MAML3: variants seen among roughly 807,000 people sequenced by gnomAD.
MAML3 encodes mastermind-like protein 3.
Under a neutral mutation model 101.9 loss-of-function variants are expected in MAML3, and 27 were observed. That is an observed-to-expected ratio of 0.27 (90% CI 0.20 to 0.37). MAML3 has a LOEUF of 0.37. MAML3 is among the 10% of genes least tolerant of loss of function. The probability of loss-of-function intolerance (pLI) is 1.00; values close to 1 mark genes in which losing one functional copy is unlikely to be tolerated. For missense variants in MAML3, 1,316 were observed against 1,444.9 expected, an observed-to-expected ratio of 0.91 and a Z score of 1.45; for synonymous variants, 501 against 555.9, an observed-to-expected ratio of 0.90 and a Z score of 1.39.
chr4:139,944,262 C>T (rs1560844409), intron 1 of MAML3, among the ~76,000 whole-genome samples: 2 of 152,164 alleles, frequency 1.3e-5, no homozygotes, highest in South Asian at 2.1e-4. Flanking sequence ...ATGTGCCATG[C>T]TGGTGCGCTG....
chr4:139,877,664 T>G (rs1219289995), intron 2 of MAML3, among the ~76,000 whole-genome samples: 1 of 152,200 alleles, frequency 6.6e-6, no homozygotes, highest in Non-Finnish European at 1.5e-5. Context: ...TATTTGTGGC[T>G]CAATGCTGCG....
chr4:139,781,957 T>C (rs972694137), intron 2 of MAML3, among the ~76,000 whole-genome samples: 4 of 152,130 alleles, frequency 2.6e-5, no homozygotes, highest in African/African-American at 9.7e-5. Flanking sequence ...AGAGGCTGAA[T>C]TGGACTGGAT....
chr4:139,960,112 G>A (rs536871076), intron 1 of MAML3, among the ~76,000 whole-genome samples: 1 of 152,244 alleles, frequency 6.6e-6, no homozygotes, highest in Non-Finnish European at 1.5e-5. Context: ...ACCCTACATT[G>A]GGGGAGGAAG....
intron 2 of MAML3, among the ~76,000 whole-genome samples, chr4:139,743,036 T>G (rs768607351): frequency 1.3e-5 from 2 of 152,140 alleles, no homozygotes; most frequent in Non-Finnish European, 2.9e-5. Context: ...TACCACCCCC[T>G]CATTTTTCCC....
At chr4:139,800,027 G>A (rs1730576833) in intron 2 of MAML3, among the ~76,000 whole-genome samples, 1 of 151,476 alleles carries the variant, frequency 6.6e-6, no homozygotes, top group Admixed American at 6.6e-5. Context: ...GTACTGCAAG[G>A]GATTGTATTT....
chr4:139,772,458 C>T (rs1490124811), intron 2 of MAML3, among the ~76,000 whole-genome samples: 1 of 151,376 alleles, frequency 6.6e-6, no homozygotes, highest in Admixed American at 6.6e-5. Flanking sequence ...TCTCCTGCCT[C>T]AGCCTCCCAA....
chr4:139,787,547 A>G (rs1221192058), intron 2 of MAML3, among the ~76,000 whole-genome samples: 2 of 152,102 alleles, frequency 1.3e-5, no homozygotes, highest in African/African-American at 4.8e-5. Flanking sequence ...CTTTTCTGGG[A>G]TTTAATATCT....
chr4:139,937,531 C>T (rs1317679459), intron 1 of MAML3, among the ~76,000 whole-genome samples: 1 of 151,938 alleles, frequency 6.6e-6, no homozygotes, highest in Admixed American at 6.6e-5. Context: ...GGATTACAGG[C>T]ATCTACCACC....
intron 1 of MAML3, among the ~76,000 whole-genome samples, chr4:139,891,983 G>C (rs144616225): frequency 6.6e-6 from 1 of 152,202 alleles, no homozygotes; most frequent in African/African-American, 2.4e-5. Flanking sequence ...TTTGTCTTAA[G>C]CTTTTTTTCT....
At chr4:139,899,371 A>G (rs1277869434) in intron 1 of MAML3, among the ~76,000 whole-genome samples, 1 of 152,214 alleles carries the variant, frequency 6.6e-6, no homozygotes, top group Admixed American at 6.5e-5. Flanking sequence ...CTGGATTTCT[A>G]GAATATTTTT....
chr4:139,763,643 T>C (rs1560786962), intron 2 of MAML3, among the ~76,000 whole-genome samples: 1 of 152,222 alleles, frequency 6.6e-6, no homozygotes, highest in Non-Finnish European at 1.5e-5. Context: ...GCTGCCCCTG[T>C]TTATTTGGCT....
chr4:139,949,319 G>A (rs1420627685), intron 1 of MAML3, among the ~76,000 whole-genome samples: 1 of 152,150 alleles, frequency 6.6e-6, no homozygotes. Context: ...CCGGCCAGTA[G>A]TAGAAATTAA....
At chr4:139,759,169 C>T (rs575095148) in intron 2 of MAML3, among the ~76,000 whole-genome samples, 4 of 152,270 alleles carry the variant, frequency 2.6e-5, no homozygotes, top group African/African-American at 9.6e-5. Flanking sequence ...GAAATGTGTC[C>T]AGATAAAACT....
At chr4:139,943,806 A>G (rs896921989) in intron 1 of MAML3, among the ~76,000 whole-genome samples, 1 of 151,558 alleles carries the variant, frequency 6.6e-6, no homozygotes, top group Non-Finnish European at 1.5e-5. Flanking sequence ...ATTATCCACT[A>G]TAAAACATCT....
chr4:139,749,994 GA>G (rs754298580), intron 2 of MAML3, among the ~76,000 whole-genome samples: 23 of 151,502 alleles, frequency 1.5e-4, no homozygotes, highest in Non-Finnish European at 2.1e-4. Flanking sequence ...AATATGGATG[GA>G]TTATTCATGT....
chr4:139,771,421 A>G (rs1329793677), intron 2 of MAML3, among the ~76,000 whole-genome samples: 1 of 152,238 alleles, frequency 6.6e-6, no homozygotes, highest in Non-Finnish European at 1.5e-5. Flanking sequence ...CAGGTAGTGA[A>G]GAAGTTCTTT....
At chr4:140,127,501 G>A (rs954855168) in intron 1 of MAML3, among the ~76,000 whole-genome samples, 2 of 152,178 alleles carry the variant, frequency 1.3e-5, no homozygotes, top group African/African-American at 4.8e-5. Context: ...CCTTCCACAC[G>A]AGAGGTATAG....
intron 1 of MAML3, among the ~76,000 whole-genome samples, chr4:140,057,886 A>G (rs1578662565): frequency 6.6e-6 from 1 of 151,602 alleles, no homozygotes; most frequent in East Asian, 1.9e-4. Context: ...CTTATGGAGG[A>G]TCTCAAAGTG....
rs903717183 is a variant in MAML3 at position 139,864,495 on chromosome 4, G to A, written c.2079+24862C>T. ...AGATCAAGACCATCCTGGCCAACAC[G>A]GTGAAACCTGTCTCTACTAAAAATA... On this transcript the variant is annotated intron_variant, in intron 2 of 4. Transcript: ENST00000509479. 2.0e-5 allele frequency among the ~76,000 whole-genome samples: 3 copies of A among 151,958 alleles called. No individual in the cohort carries two copies. The South Asian group carries it at 6.2e-4, about 32-fold the overall frequency.
Sources: allele counts gnomAD v4.1 joint callset (sites outside exome capture counted in the v4.1 genomes callset), GRCh38; gene constraint gnomAD v4.1.1; transcripts MANE v1.5; gene names NCBI Gene and HGNC (gene_info 2026-07-23, HGNC 2026-07-21).